The following USP20 variants were observed in gnomAD, a reference collection of about 807,000 sequenced individuals.
USP20 encodes the protein ubiquitin carboxyl-terminal hydrolase 20.
A neutral mutation model predicts 124.2 loss-of-function variants in USP20; 80 were observed. The ratio of observed to expected loss-of-function variants is 0.64; its 90% confidence interval spans 0.54 to 0.78. The LOEUF is 0.78. USP20 is among the 30% of genes least tolerant of loss of function. The pLI is 0.00. For synonymous variants in USP20, 481 were observed against 512.3 expected (o/e 0.94, Z 0.83); for missense variants, 1,043 against 1,244.4 (o/e 0.84, Z 2.44).
intron 2 of USP20, 117 bp from the exon 3 acceptor site, chr9:129,852,423 A>G (rs2032973407): frequency 1.3e-6 from 1 of 773,656 alleles, no homozygotes; most frequent in Admixed American, 2.6e-5. Flanking sequence ...CTGCGTTACC[A>G]GCTGGTTTGT....
rs1269716672 is a variant in USP20, at chr9:129,869,799, A to G, written c.1520A>G (p.Tyr507Cys). ...PAKPGACGDS[Y>C]AAQGWLAFIV... is the part of the protein sequence containing the mutation. Reference sequence around the variant, plus strand: ...AAGCCAGGCGCCTGTGGGGACAGCTATGCCGCCCAGGGCTGGCTGGCCTTC... The same window carrying G: ...AAGCCAGGCGCCTGTGGGGACAGCTGTGCCGCCCAGGGCTGGCTGGCCTTC... Residue 507 changes from tyrosine (Y) to cysteine (C), a missense_variant, in exon 14 of 26, where the codon TAT becomes TGT. Physicochemically the swap from Tyr to Cys is radical, Grantham distance 194 (BLOSUM62 -2). Coordinates refer to ENST00000372429, the MANE Select transcript of USP20 (RefSeq NM_001110303.4). 5 of 1,613,884 alleles carry G rather than the reference A, an allele frequency of 3.1e-6. No individual in the cohort carries two copies. The highest frequency in any genetic ancestry group is 1.3e-5 in the African/African-American group (1 of 74,944).
At chr9:129,860,649 A>G (rs2033493479) in intron 6 of USP20, among the ~76,000 whole-genome samples, 1 of 151,872 alleles carries the variant, frequency 6.6e-6, no homozygotes, top group African/African-American at 2.4e-5. Context: ...CCTTGAGCCC[A>G]GAAGTTGGAG....
intron 1 of USP20, among the ~76,000 whole-genome samples, chr9:129,842,105 C>T (rs909293106): frequency 5.3e-5 from 8 of 152,150 alleles, no homozygotes; most frequent in Non-Finnish European, 1.2e-4. Context: ...TTCAACTTAG[C>T]GTTTACTGTG....
chr9:129,860,648 C>T (rs915142973), intron 6 of USP20, among the ~76,000 whole-genome samples: 2 of 151,824 alleles, frequency 1.3e-5, no homozygotes, highest in African/African-American at 4.8e-5. Context: ...CCCTTGAGCC[C>T]AGAAGTTGGA....
intron 1 of USP20, among the ~76,000 whole-genome samples, chr9:129,846,245 ATATTTTTTTTTT>A (rs1564197198): frequency 4.6e-5 from 2 of 43,400 alleles, no homozygotes; most frequent in Non-Finnish European, 8.1e-5. Context: ...ATATATATAT[ATATTTTTTTTTT>A]TTTTTTTTTT....
chr9:129,856,501 A>C, intron 4 of USP20, 141 bp downstream of exon 4: 1 of 926,684 alleles, frequency 1.1e-6, no homozygotes, highest in Non-Finnish European at 1.7e-6. Context: ...GGGCTGGGGC[A>C]CAGGGGCACA....
chr9:129,870,205 G>T lies in USP20; in HGVS notation c.1566-248G>T, dbSNP rs145273462. On this transcript the variant is annotated intron_variant, in intron 14 of 25. Coordinates refer to ENST00000372429, the MANE Select transcript of USP20 (RefSeq NM_001110303.4). Reference sequence around the variant, plus strand: ...CAGAGACCCGCATGACCCCAGGGAGGGGGTAGCATGATCATGGCCGCAACA... The same window carrying T: ...CAGAGACCCGCATGACCCCAGGGAGTGGGTAGCATGATCATGGCCGCAACA... 709 of 574,752 alleles carry T rather than the reference G, an allele frequency of 1.2e-3. 3 individuals are homozygous for T. The highest frequency in any genetic ancestry group is 0.012 in the African/African-American group (624 of 53,548). 35.6% of individuals were successfully genotyped at this position (574,752 alleles called of 1,614,324 possible).
intron 1 of USP20, among the ~76,000 whole-genome samples, chr9:129,840,590 A>G (rs1332326343): frequency 6.6e-6 from 1 of 152,110 alleles, no homozygotes; most frequent in Admixed American, 6.6e-5. Flanking sequence ...AATTAGTAAC[A>G]TTTGCCTTAT....
chr9:129,863,985 AG>A (rs1419473105), intron 9 of USP20, among the ~76,000 whole-genome samples: 3 of 152,018 alleles, frequency 2.0e-5, no homozygotes, highest in African/African-American at 7.2e-5. Flanking sequence ...GTGTGCCTGT[AG>A]TCCCAGCTAC....
intron 15 of USP20, among the ~76,000 whole-genome samples, chr9:129,873,080 C>CTTCTTTTTTT (rs1463874554): frequency 1.3e-5 from 1 of 78,366 alleles, no homozygotes; most frequent in African/African-American, 4.7e-5. Flanking sequence ...TTTTCTTCTT[C>CTTCTTTTTTT]TTTTTTTTTT....
rs1317035691 is a variant in USP20 at position 129,868,324 on chromosome 9, A to G, written c.1010A>G (p.Gln337Arg). Residue 337 changes from glutamine (Q) to arginine (R), a missense_variant, in exon 11 of 26, where the codon CAG becomes CGG. Gln to Arg is a conservative substitution (Grantham distance 43). Transcript: ENST00000372429. ...GACCGCAAGTTCTCCTGGGGCCAGC[A>G]GCGTACAAACTCGGAGCAAGTGGAC... ...MKDRKFSWGQQRTNSEQVDED... is the reference protein window; with the variant it reads ...MKDRKFSWGQRRTNSEQVDED... 5.0e-6 allele frequency: 8 copies of G among 1,613,708 alleles called. No homozygotes were observed. The South Asian group carries it at 7.7e-5, about 16-fold the overall frequency.
chr9:129,879,380 T>A lies in USP20; in HGVS notation c.2513-193T>A, dbSNP rs2034544494. The A allele has an allele frequency of 1.0e-5, 6 of 595,470 alleles. No homozygotes were observed. In the East Asian group the frequency reaches 1.7e-4, roughly 17 times the overall value. The allele number at this position is 595,470 out of a possible 1,614,324, so 36.9% of individuals were successfully genotyped here. ...CAGCACAGAGTCTGAGACCATCTCGTGTGTCCTGGAAATTCCCTCTGCTGG... is the reference window on the plus strand; with the variant it reads ...CAGCACAGAGTCTGAGACCATCTCGAGTGTCCTGGAAATTCCCTCTGCTGG... On this transcript the variant is annotated intron_variant, in intron 23 of 25. Transcript: ENST00000372429. The surrounding 1 kb of genome is among the most constrained non-coding windows in gnomAD (Gnocchi z 4.2).
intron 3 of USP20, among the ~76,000 whole-genome samples, chr9:129,853,950 T>C (rs1304013180): frequency 1.3e-5 from 2 of 151,828 alleles, no homozygotes; most frequent in African/African-American, 4.8e-5. Context: ...CCTCTTTGGG[T>C]ATCCAGAAAG....
chr9:129,874,491 A>G (rs2034285614), intron 17 of USP20, 85 bp from the exon 18 acceptor site: 1 of 1,547,594 alleles, frequency 6.5e-7, no homozygotes, highest in Non-Finnish European at 8.8e-7. Context: ...GCATGATCCC[A>G]TCAGCTGTCC....
chr9:129,873,077 C>CTTTT (rs1564218943), intron 15 of USP20, among the ~76,000 whole-genome samples: 3 of 45,628 alleles, frequency 6.6e-5, no homozygotes, highest in Admixed American at 3.0e-4. Context: ...TCTTTTTCTT[C>CTTTT]TTCTTTTTTT....
rs972317803 is a variant in USP20, at chr9:129,879,015, G to A, written c.2513-558G>A. On this transcript the variant is annotated intron_variant, in intron 23 of 25. Transcript: ENST00000372429. The surrounding 1 kb of genome is among the most constrained non-coding windows in gnomAD (Gnocchi z 4.2). ...GTGTGGAGCATGAGCACCCACCTGT[G>A]CTTGGGAAGGGAGGCCTCATTGCCA... is the stretch of plus-strand genomic sequence containing the variant. 6.6e-6 allele frequency among the ~76,000 whole-genome samples: 1 copy of A among 152,256 alleles called. No individual in the cohort carries two copies. The highest frequency in any genetic ancestry group is 1.5e-5 in the Non-Finnish European group (1 of 68,036).
chr9:129,868,947 C>G lies in USP20; in HGVS notation c.1221C>G (p.Ser407Arg). ...HHHEGHAKLSSSPPRASPVRM... is the reference protein window; with the variant it reads ...HHHEGHAKLSRSPPRASPVRM... ...ACGAGGGCCATGCCAAGCTGTCTAG[C>G]AGCCCCCCTCGTGCAAGCCCCGTGA... is the stretch of plus-strand genomic sequence containing the variant. Residue 407 changes from serine (S) to arginine (R), a missense_variant, in exon 12 of 26, where the codon AGC (serine) becomes AGG (arginine). Physicochemically the swap from Ser to Arg is moderately radical, Grantham distance 110. Coordinates refer to ENST00000372429, the MANE Select transcript of USP20 (RefSeq NM_001110303.4). The G allele has an allele frequency of 6.2e-7, 1 of 1,612,878 alleles. No homozygotes were observed. The highest frequency in any genetic ancestry group is 8.5e-7 in the Non-Finnish European group (1 of 1,179,404).
chr9:129,856,704 C>T (rs376062375), intron 4 of USP20, among the ~76,000 whole-genome samples: 2 of 152,216 alleles, frequency 1.3e-5, no homozygotes, highest in South Asian at 2.1e-4. Flanking sequence ...TGCTCAGCAG[C>T]GTCTCTACCT....
rs1353884153 is a variant in USP20, at chr9:129,877,987, G to A, written c.2410-351G>A. Among the ~76,000 whole-genome samples, 10 of 151,850 alleles carry A rather than the reference G, an allele frequency of 6.6e-5. No homozygotes were observed. The South Asian group carries it at 1.7e-3, about 25-fold the overall frequency. ...CTCAAGAGGCTGAGGTGGGAGAATC[G>A]CTTGAACCTGGGAGGCAGAGGTTGC... On this transcript the variant is annotated intron_variant, in intron 22 of 25. Coordinates refer to ENST00000372429, the MANE Select transcript of USP20 (RefSeq NM_001110303.4).
Sources: allele counts gnomAD v4.1 joint callset (sites outside exome capture counted in the v4.1 genomes callset), GRCh38; gene constraint gnomAD v4.1.1; non-coding constraint Gnocchi (gnomAD v3.1); transcripts MANE v1.5; gene names NCBI Gene and HGNC (gene_info 2026-07-23, HGNC 2026-07-21).